The following PIWIL1 variants were observed in gnomAD, a reference collection of about 807,000 sequenced individuals.
The protein encoded by PIWIL1 is piwi-like protein 1.
A neutral mutation model predicts 114.4 loss-of-function variants in PIWIL1; 73 were observed. That is an observed-to-expected ratio of 0.64 (90% CI 0.53 to 0.78). The LOEUF is 0.78. Among genes scored for constraint, PIWIL1 ranks in the 30% least tolerant of loss-of-function variants. The pLI is 0.00. For synonymous variants in PIWIL1, 375 were observed against 369.0 expected (o/e 1.02, Z -0.19); for missense variants, 723 against 1,063.1 (o/e 0.68, Z 4.45).
the PIWIL1 span, chr12:130,396,964 T>C: frequency 1.9e-5 from 3 of 154,570 alleles, no homozygotes; most frequent in African/African-American, 7.2e-5. Context: ...AGAGTCAAAG[T>C]GAAAGTTATG....
the PIWIL1 span, among the ~76,000 whole-genome samples, chr12:130,393,266 G>A: frequency 7.2e-5 from 9 of 124,310 alleles, no homozygotes; most frequent in Admixed American, 1.6e-4. Flanking sequence ...GTGATGACCC[G>A]GTCACCGTCA....
chr12:130,371,376 A>G, intron 20 of PIWIL1, 53 bp downstream of exon 20: 2 of 1,612,668 alleles, frequency 1.2e-6, no homozygotes, highest in South Asian at 2.2e-5. Flanking sequence ...TCACTTTTCA[A>G]AATGAAATAG....
the PIWIL1 span, chr12:130,398,811 T>G: frequency 5.8e-6 from 1 of 173,010 alleles, no homozygotes; most frequent in Non-Finnish European, 1.2e-5. Context: ...TATGCAGCTC[T>G]CTCTATGTAA....
chr12:130,340,685 T>C (rs2072895715), intron 1 of PIWIL1, among the ~76,000 whole-genome samples: 1 of 150,598 alleles, frequency 6.6e-6, no homozygotes. Flanking sequence ...GTGGTGCTGC[T>C]GCTGCTGCTG....
chr12:130,392,667 G>A, the PIWIL1 span, among the ~76,000 whole-genome samples: 18 of 73,424 alleles, frequency 2.5e-4, no homozygotes, highest in African/African-American at 5.3e-4. Flanking sequence ...CCCGGTCACC[G>A]TCATCACGTG....
chr12:130,357,388 G>A (rs1222855359), intron 13 of PIWIL1, 93 bp from the exon 14 acceptor site: 18 of 909,166 alleles, frequency 2.0e-5, no homozygotes, highest in South Asian at 3.1e-5. Flanking sequence ...TGTTTTATAC[G>A]GAAACGTTTC....
At chr12:130,348,998 G>A (rs564869880) in intron 7 of PIWIL1, among the ~76,000 whole-genome samples, 7 of 152,242 alleles carry the variant, frequency 4.6e-5, no homozygotes, top group Non-Finnish European at 1.0e-4. Flanking sequence ...AAAGTCTTAG[G>A]CCAGTGTAAT....
At chr12:130,414,560 G>C in the PIWIL1 span, 770 of 316,454 alleles carry the variant, frequency 2.4e-3, 10 homozygotes, top group African/African-American at 0.016. Context: ...GGCCTCGGGG[G>C]CCTCCTCAGA....
At chr12:130,346,027 G>A in intron 4 of PIWIL1, 149 bp downstream of exon 4, 1 of 718,768 alleles carries the variant, frequency 1.4e-6, no homozygotes, top group Non-Finnish European at 2.2e-6. Context: ...GATGAAGTAG[G>A]TTATAGATAT....
At chr12:130,403,928 G>A in the PIWIL1 span, among the ~76,000 whole-genome samples, 6,694 of 152,164 alleles carry the variant, frequency 0.044, 299 homozygotes, top group African/African-American at 0.11. Context: ...TACTTTCTCC[G>A]TATTATAAAG....
chr12:130,414,534 C>A, the PIWIL1 span: 1 of 415,026 alleles, frequency 2.4e-6, no homozygotes, highest in East Asian at 4.4e-5. Context: ...CATGTGAAAG[C>A]ATTGAGACAG....
the PIWIL1 span, chr12:130,424,469 G>T: frequency 8.1e-7 from 1 of 1,232,130 alleles, no homozygotes; most frequent in Non-Finnish European, 1.0e-6. This position sits in a 1 kb window ranked among gnomAD's most constrained non-coding sequence, Gnocchi z 9.8. Flanking sequence ...CGGTGTTTCC[G>T]AAGCCAAACC....
At chr12:130,350,071 G>A in intron 9 of PIWIL1, 104 bp downstream of exon 9, 1 of 626,558 alleles carries the variant, frequency 1.6e-6, no homozygotes, top group South Asian at 2.2e-5. Context: ...AAAGCTGTGT[G>A]TAAATGTATT....
At chr12:130,424,748 G>A in the PIWIL1 span, 608 of 1,232,284 alleles carry the variant, frequency 4.9e-4, no homozygotes, top group Non-Finnish European at 5.7e-4. This position sits in a 1 kb window ranked among gnomAD's most constrained non-coding sequence, Gnocchi z 9.8. Context: ...AGCACTCTCC[G>A]TCCTCTTCCG....
intron 12 of PIWIL1, among the ~76,000 whole-genome samples, chr12:130,355,993 C>T (rs190447010): frequency 8.5e-5 from 13 of 152,108 alleles, no homozygotes; most frequent in Admixed American, 7.2e-4. Context: ...AATGTGGAGC[C>T]TGTAGCTGGG....
chr12:130,395,471 A>G, the PIWIL1 span, among the ~76,000 whole-genome samples: 1 of 152,134 alleles, frequency 6.6e-6, no homozygotes, highest in Admixed American at 6.5e-5. Context: ...AAAAGCTAAG[A>G]CCAGCTCATT....
At chr12:130,424,747 C>T in the PIWIL1 span, 11 of 1,232,230 alleles carry the variant, frequency 8.9e-6, no homozygotes, top group South Asian at 1.2e-4. This position sits in a 1 kb window ranked among gnomAD's most constrained non-coding sequence, Gnocchi z 9.8. Context: ...CAGCACTCTC[C>T]GTCCTCTTCC....
At chr12:130,347,327 A>T (rs1384637885) in intron 6 of PIWIL1, among the ~76,000 whole-genome samples, 1 of 152,214 alleles carries the variant, frequency 6.6e-6, no homozygotes, top group Non-Finnish European at 1.5e-5. Context: ...CTCGAGAGCT[A>T]TTGCGAACTT....
At chr12:130,373,593 G>T (rs575058599), downstream of PIWIL1, among the ~76,000 whole-genome samples, 16 of 152,116 alleles carry the variant, frequency 1.1e-4, no homozygotes, top group Non-Finnish European at 2.4e-4. Flanking sequence ...ACATCACCTG[G>T]TTGGGTTTGT....
Sources: gnomAD v4.1 joint callset for allele counts (sites outside exome capture counted in the v4.1 genomes callset) on GRCh38, gnomAD v4.1.1 for gene constraint, Gnocchi (gnomAD v3.1) non-coding constraint, MANE v1.5 for transcripts, NCBI Gene and HGNC (gene_info 2026-07-23, HGNC 2026-07-21) for gene names.